The following EPHA3 variants were observed in gnomAD, a reference collection of about 807,000 sequenced individuals.
EPHA3 encodes the protein ephrin type-A receptor 3.
A neutral mutation model predicts 107.1 loss-of-function variants in EPHA3; 42 were observed. The ratio of observed to expected loss-of-function variants is 0.39; its 90% CI spans 0.31 to 0.51. EPHA3 has a LOEUF of 0.51. EPHA3 is among the 20% of genes least tolerant of loss of function. EPHA3 has a pLI of 0.78. For missense variants in EPHA3, 1,183 were observed against 1,211.2 expected (o/e 0.98, Z 0.35); for synonymous variants, 461 against 424.8 (o/e 1.09, Z -1.05).
chr3:89,131,113 A>G (rs1704199355), intron 2 of EPHA3, among the ~76,000 whole-genome samples: 1 of 152,168 alleles, frequency 6.6e-6, no homozygotes, highest in Non-Finnish European at 1.5e-5. Flanking sequence ...AAATTTGTAA[A>G]CTGAAATTAT....
chr3:89,167,215 T>C (rs1274301302), intron 2 of EPHA3, among the ~76,000 whole-genome samples: 1 of 152,208 alleles, frequency 6.6e-6, no homozygotes, highest in Non-Finnish European at 1.5e-5. Context: ...AACTAGCTAA[T>C]AGATGCATTA....
At chr3:89,214,459 C>T (rs1454763780) in intron 3 of EPHA3, among the ~76,000 whole-genome samples, 4 of 151,936 alleles carry the variant, frequency 2.6e-5, no homozygotes, top group Non-Finnish European at 1.5e-5. Context: ...ACCCATTCAA[C>T]AGCTTACCTT....
At chr3:89,176,779 A>C (rs1705328500) in intron 2 of EPHA3, among the ~76,000 whole-genome samples, 1 of 152,194 alleles carries the variant, frequency 6.6e-6, no homozygotes, top group African/African-American at 2.4e-5. Flanking sequence ...TTGTTGTGCA[A>C]ACCACTTGGA....
chr3:89,125,590 G>A (rs1704075603), intron 1 of EPHA3, among the ~76,000 whole-genome samples: 1 of 151,496 alleles, frequency 6.6e-6, no homozygotes, highest in African/African-American at 2.4e-5. Context: ...AATCCATGCA[G>A]CGGCTATCTA....
intron 3 of EPHA3, among the ~76,000 whole-genome samples, chr3:89,220,077 A>AC (rs1259485644): frequency 6.6e-6 from 1 of 152,092 alleles, no homozygotes; most frequent in Non-Finnish European, 1.5e-5. Context: ...TAGATGCCAC[A>AC]CATGTTGCTA....
intron 5 of EPHA3, among the ~76,000 whole-genome samples, chr3:89,351,175 C>T (rs1448130397): frequency 6.6e-6 from 1 of 151,330 alleles, no homozygotes; most frequent in Non-Finnish European, 1.5e-5. Context: ...GCTTTGTTTA[C>T]CTAAGCAAGC....
At chr3:89,374,036 C>T (rs184046473) in intron 5 of EPHA3, among the ~76,000 whole-genome samples, 7 of 151,608 alleles carry the variant, frequency 4.6e-5, no homozygotes, top group African/African-American at 9.7e-5. Context: ...AATGAGTTTC[C>T]GAACTAAAAT....
At chr3:89,282,101 A>G (rs1705961992) in intron 3 of EPHA3, among the ~76,000 whole-genome samples, 1 of 152,178 alleles carries the variant, frequency 6.6e-6, no homozygotes, top group African/African-American at 2.4e-5. Flanking sequence ...ATCTACTATG[A>G]GTCAGACATA....
chr3:89,242,358 G>T (rs1704918038), intron 3 of EPHA3, among the ~76,000 whole-genome samples: 1 of 152,200 alleles, frequency 6.6e-6, no homozygotes, highest in South Asian at 2.1e-4. Flanking sequence ...AAGTTTCAGT[G>T]TGAATACAAT....
chr3:89,223,562 T>C lies in EPHA3; in HGVS notation c.814+13042T>C, dbSNP rs1397906316. Among the ~76,000 whole-genome samples the C allele has an allele frequency of 2.1e-4, 32 of 152,204 alleles. 1 individual carries two copies. ...TTGGTAGACAGTTTCTGTACGTTCC[T>C]AGACTAGTAATAAACCTGAGATTTA... On this transcript the variant is annotated intron_variant, in intron 3 of 16. Transcript: ENST00000336596.
At chr3:89,284,438 ACCTT>A (rs1706028505) in intron 3 of EPHA3, among the ~76,000 whole-genome samples, 1 of 142,510 alleles carries the variant, frequency 7.0e-6, no homozygotes, top group Non-Finnish European at 1.6e-5. Flanking sequence ...ATCTACCATC[ACCTT>A]TTTTTTTATC....
intron 13 of EPHA3, among the ~76,000 whole-genome samples, chr3:89,441,926 T>C (rs1441191467): frequency 1.3e-5 from 2 of 152,158 alleles, no homozygotes; most frequent in African/African-American, 4.8e-5. Flanking sequence ...CAGAACCAAA[T>C]TGGGCCCTCA....
At chr3:89,361,624 T>G (rs962956950) in intron 5 of EPHA3, among the ~76,000 whole-genome samples, 3 of 151,224 alleles carry the variant, frequency 2.0e-5, no homozygotes, top group Admixed American at 6.6e-5. Flanking sequence ...TAGGGAATAC[T>G]GAAAGGTTGC....
intron 3 of EPHA3, among the ~76,000 whole-genome samples, chr3:89,237,473 G>T (rs564454335): frequency 1.3e-5 from 2 of 152,168 alleles, no homozygotes; most frequent in African/African-American, 2.4e-5. Context: ...AGTTTCAATA[G>T]AAATAGAGAT....
At position 89,222,043 on chromosome 3, in the gene EPHA3, C is replaced by T. The variant is rs566150036; in HGVS notation, c.814+11523C>T. Among the ~76,000 whole-genome samples the T allele has an allele frequency of 1.6e-3, 245 of 152,132 alleles. 2 individuals carry two copies. Among genetic ancestry groups the T allele is most frequent in the African/African-American group, 5.7e-3 (236 of 41,504 alleles). ...AATCTTTTCACAGGGCATCTCTGGC[C>T]TTTATTTTCTAGGCATGTGGAACTG... is the stretch of plus-strand genomic sequence containing the variant. On this transcript the variant is annotated intron_variant, in intron 3 of 16. Transcript: ENST00000336596.
At chr3:89,144,972 G>A (rs1330674382) in intron 2 of EPHA3, among the ~76,000 whole-genome samples, 1 of 151,656 alleles carries the variant, frequency 6.6e-6, no homozygotes, top group African/African-American at 2.4e-5. Context: ...TCAATAGTAA[G>A]CATTGAATAA....
At chr3:89,313,441 A>T (rs945836794) in intron 3 of EPHA3, among the ~76,000 whole-genome samples, 1 of 151,784 alleles carries the variant, frequency 6.6e-6, no homozygotes, top group African/African-American at 2.4e-5. Context: ...TGTTTTTGTT[A>T]CACTGTTAGT....
intron 2 of EPHA3, among the ~76,000 whole-genome samples, chr3:89,199,641 GCTT>G (rs1269555163): frequency 6.6e-6 from 1 of 152,034 alleles, no homozygotes; most frequent in Non-Finnish European, 1.5e-5. Context: ...GTTTTCAGAT[GCTT>G]TTTCCTTTAT....
intron 2 of EPHA3, among the ~76,000 whole-genome samples, chr3:89,190,081 A>G (rs1182172257): frequency 3.9e-5 from 6 of 152,184 alleles, no homozygotes. Context: ...AGGTTTTACT[A>G]TTTAACCATT....
Sources: gnomAD v4.1 joint callset for allele counts (sites outside exome capture counted in the v4.1 genomes callset) on GRCh38, gnomAD v4.1.1 for gene constraint, MANE v1.5 for transcripts, NCBI Gene and HGNC (gene_info 2026-07-23, HGNC 2026-07-21) for gene names.